Variants in CRACDL observed in about 807,000 individuals in gnomAD.
CRACDL encodes CRACD-like protein.
A neutral mutation model predicts 70.6 loss-of-function variants in CRACDL; 26 were observed. That is an observed-to-expected ratio of 0.37 (90% CI 0.27 to 0.51). The LOEUF is 0.51. Among genes scored for constraint, CRACDL ranks in the 20% least tolerant of loss-of-function variants. The pLI, the probability that CRACDL is intolerant of heterozygous loss-of-function variation, is 0.94. For missense variants in CRACDL, 1,283 were observed against 1,376.9 expected (o/e 0.93, Z 1.08); for synonymous variants, 618 against 615.2 (o/e 1.00, Z -0.07).
intron 1 of CRACDL, chr2:98,912,786 G>C (rs1708575689): frequency 1.3e-5 from 2 of 152,472 alleles, no homozygotes; most frequent in Admixed American, 1.3e-4. Context: ...AAGGAAGGCT[G>C]CTGCCAGGCA....
chr2:98,857,157 C>T (rs762427316), intron 1 of CRACDL, among the ~76,000 whole-genome samples: 54 of 152,052 alleles, frequency 3.6e-4, no homozygotes, highest in East Asian at 9.6e-4. Flanking sequence ...CCTTAAACAC[C>T]CTAAAAGGGG....
chr2:98,801,754 A>G (rs910999190), intron 7 of CRACDL, among the ~76,000 whole-genome samples: 1 of 152,168 alleles, frequency 6.6e-6, no homozygotes, highest in Non-Finnish European at 1.5e-5. Context: ...ATCAGGTGAA[A>G]TATCCACTGT....
chr2:98,857,339 A>T (rs1417102900), intron 1 of CRACDL, among the ~76,000 whole-genome samples: 1 of 152,246 alleles, frequency 6.6e-6, no homozygotes, highest in Admixed American at 6.5e-5. Flanking sequence ...TCTTTAAAAG[A>T]CAGAAAATGA....
At chr2:98,812,440 T>C (rs1396581302) in intron 7 of CRACDL, among the ~76,000 whole-genome samples, 1 of 152,256 alleles carries the variant, frequency 6.6e-6, no homozygotes, top group Non-Finnish European at 1.5e-5. Flanking sequence ...AAAGTGACTG[T>C]GCCATTTGCA....
intron 1 of CRACDL, among the ~76,000 whole-genome samples, chr2:98,917,947 T>C (rs552581453): frequency 3.9e-5 from 6 of 152,362 alleles, no homozygotes; most frequent in South Asian, 4.1e-4. Context: ...GGAAAAGATA[T>C]GCTTTCATCC....
rs538369380 is a variant in CRACDL at position 98,918,841 on chromosome 2, A to G, written c.-11+17097T>C. The stretch of plus-strand genomic sequence containing the variant: ...GGTAAATTCTGGATATTAGTCCCCT[A>G]TTGGATACATAGTTTGTAAATATTT... On this transcript the variant is annotated intron_variant, in intron 1 of 9. Coordinates refer to ENST00000397899, the MANE Select transcript of CRACDL (RefSeq NM_207362.3). Among the ~76,000 whole-genome samples the G allele has an allele frequency of 5.3e-5, 8 of 152,218 alleles. No homozygotes were observed. The South Asian group carries it at 1.7e-3, about 32-fold the overall frequency.
rs779544460 is a variant in CRACDL, at chr2:98,823,428, T to C, written c.845A>G (p.Gln282Arg). 1 of 1,579,272 alleles carries C rather than the reference T, an allele frequency of 6.3e-7. No individual in the cohort carries two copies. Among genetic ancestry groups the C allele is most frequent in the East Asian group, 2.3e-5 (1 of 43,528 alleles). The change falls in exon 7 of 10, where the codon CAG (glutamine) becomes CGG (arginine). Residue 282 changes from glutamine to arginine, a missense_variant. Gln to Arg is a conservative substitution (Grantham distance 43). Transcript: ENST00000397899. This position sits in a 1 kb window ranked among gnomAD's most constrained non-coding sequence, Gnocchi z 4.0. The part of the protein sequence containing the change: ...VSPEERPSSG[Q>R]QDVAPDRGPE... ...GCCTCTGTCTGGCGCCACGTCCTGC[T>C]GCCCAGAGCTGGGGCGCTCTTCTGG...
intron 1 of CRACDL, chr2:98,869,102 T>TA: frequency 1.5e-6 from 2 of 1,304,236 alleles, no homozygotes. Context: ...GATGCACTGG[T>TA]AAAAGGCAGC....
At chr2:98,800,368 G>GC (rs111935419) in intron 7 of CRACDL, among the ~76,000 whole-genome samples, 3,366 of 152,194 alleles carry the variant, frequency 0.022, 137 homozygotes, top group African/African-American at 0.077. Context: ...GTGTAAACCG[G>GC]CCCCAAGGAA....
At chr2:98,911,873 G>A (rs1036386928) in intron 1 of CRACDL, among the ~76,000 whole-genome samples, 2 of 152,152 alleles carry the variant, frequency 1.3e-5, no homozygotes, top group South Asian at 2.1e-4. Flanking sequence ...ATATGGCTAC[G>A]GGAAACCCAC....
intron 1 of CRACDL, among the ~76,000 whole-genome samples, chr2:98,883,848 A>G (rs1707722265): frequency 6.6e-6 from 1 of 152,238 alleles, no homozygotes; most frequent in African/African-American, 2.4e-5. Flanking sequence ...GATGTAATGT[A>G]CAAAGGAGGG....
At chr2:98,861,472 T>G (rs1706933779) in intron 1 of CRACDL, among the ~76,000 whole-genome samples, 2 of 152,208 alleles carry the variant, frequency 1.3e-5, no homozygotes, top group African/African-American at 4.8e-5. Context: ...CTTCATTCAT[T>G]GCTGGTGGAA....
intron 1 of CRACDL, among the ~76,000 whole-genome samples, chr2:98,935,520 A>G (rs1377748738): frequency 6.6e-6 from 1 of 152,232 alleles, no homozygotes; most frequent in East Asian, 1.9e-4. Flanking sequence ...AGCATAAGGC[A>G]GTTCGTGAAT....
chr2:98,882,844 C>A (rs1048217363), intron 1 of CRACDL, among the ~76,000 whole-genome samples: 2 of 152,234 alleles, frequency 1.3e-5, no homozygotes, highest in African/African-American at 4.8e-5. Flanking sequence ...ACAGCCAGGA[C>A]AGGCTGAGGC....
chr2:98,888,953 C>T lies in CRACDL; in HGVS notation c.-10-42143G>A, dbSNP rs989475148. On this transcript the variant is annotated intron_variant, in intron 1 of 9. Coordinates refer to ENST00000397899, the MANE Select transcript of CRACDL (RefSeq NM_207362.3). Reference sequence around the variant, plus strand: ...GACCATCCTGGCCAATATGGTGAAACCTCATCTCTACTAAAATACAAAAAA... The same window carrying T: ...GACCATCCTGGCCAATATGGTGAAATCTCATCTCTACTAAAATACAAAAAA... Among the ~76,000 whole-genome samples, 5 of 151,976 alleles carry T rather than the reference C, an allele frequency of 3.3e-5. 1 individual carries two copies. The highest frequency in any genetic ancestry group is 7.4e-5 in the Non-Finnish European group (5 of 68,010).
chr2:98,902,613 G>A (rs1301288773), intron 1 of CRACDL, among the ~76,000 whole-genome samples: 1 of 152,120 alleles, frequency 6.6e-6, no homozygotes, highest in Non-Finnish European at 1.5e-5. Context: ...GAGCGTAGGT[G>A]GGGATCGCTG....
intron 7 of CRACDL, among the ~76,000 whole-genome samples, chr2:98,809,041 T>C (rs892877291): frequency 6.6e-6 from 1 of 152,210 alleles, no homozygotes. Flanking sequence ...TTCCAGCACC[T>C]TCTCAGTCCT....
At chr2:98,917,345 T>C (rs1446153328) in intron 1 of CRACDL, among the ~76,000 whole-genome samples, 1 of 152,170 alleles carries the variant, frequency 6.6e-6, no homozygotes, top group African/African-American at 2.4e-5. Flanking sequence ...TTCCTAGAAA[T>C]GGAATCCCCA....
In CRACDL at chr2:98,817,677, T is replaced by C. The variant is rs150754716; in HGVS notation, c.2416+4180A>G. Among the ~76,000 whole-genome samples the C allele has an allele frequency of 2.7e-3, 411 of 152,296 alleles. 2 individuals carry two copies. The highest frequency in any genetic ancestry group is 5.9e-3 in the Admixed American group (90 of 15,300). ...CCATCTTTTGGGGCCAAGAAAGAGC[T>C]TGCATGGCAGGAGGACATTAAATAT... On this transcript the variant is annotated intron_variant, in intron 7 of 9. Transcript: ENST00000397899.
Sources: gnomAD v4.1 joint callset for allele counts (sites outside exome capture counted in the v4.1 genomes callset) on GRCh38, gnomAD v4.1.1 for gene constraint, Gnocchi (gnomAD v3.1) non-coding constraint, MANE v1.5 for transcripts, NCBI Gene and HGNC (gene_info 2026-07-23, HGNC 2026-07-21) for gene names.